Variants in DUSP29 observed in about 807,000 individuals in gnomAD.
The protein encoded by DUSP29 is atypical dual-specific protein phosphatase.
A neutral mutation model predicts 13.5 loss-of-function variants in DUSP29; 12 were observed. The ratio of observed to expected loss-of-function variants is 0.89; its 90% CI spans 0.57 to 1.44. The LOEUF (loss-of-function observed/expected upper bound fraction) is 1.44. Ranked by LOEUF, DUSP29 falls within the 40% of genes most tolerant of loss-of-function variation. The pLI, the probability that DUSP29 is intolerant of heterozygous loss-of-function variation, is 0.00. For missense variants in DUSP29, 308 were observed against 301.1 expected, an observed-to-expected ratio of 1.02 and a Z score of -0.17; for synonymous variants, 134 against 128.7, an observed-to-expected ratio of 1.04 and a Z score of -0.28.
At chr10:75,070,107 AAGGAAGGAAGGAAGGAAG>A (rs1847297412) in intron 1 of DUSP29, among the ~76,000 whole-genome samples, 1 of 141,192 alleles carries the variant, frequency 7.1e-6, no homozygotes, top group African/African-American at 2.8e-5. Context: ...GGAAGGAAGG[AAGGAAGGAAGGAAGGAAG>A]GAAGGAAGGA....
At chr10:75,054,399 C>T (rs1484915945) in intron 2 of DUSP29, among the ~76,000 whole-genome samples, 1 of 152,088 alleles carries the variant, frequency 6.6e-6, no homozygotes, top group East Asian at 1.9e-4. Flanking sequence ...TAAATGAATG[C>T]TCTTCTGTTC....
chr10:75,051,945 G>A (rs1846841409), intron 2 of DUSP29, among the ~76,000 whole-genome samples: 1 of 152,210 alleles, frequency 6.6e-6, no homozygotes, highest in East Asian at 1.9e-4. Context: ...ACAGAAATCA[G>A]GGACAAGCAC....
intron 3 of DUSP29, among the ~76,000 whole-genome samples, chr10:75,039,457 A>G (rs1184129530): frequency 6.6e-6 from 1 of 152,154 alleles, no homozygotes; most frequent in Non-Finnish European, 1.5e-5. Flanking sequence ...TAGAGGTTGC[A>G]GTGAGCTGAG....
At chr10:75,064,668 A>AT (rs1389287682) in intron 1 of DUSP29, among the ~76,000 whole-genome samples, 1 of 152,102 alleles carries the variant, frequency 6.6e-6, no homozygotes, top group Non-Finnish European at 1.5e-5. Flanking sequence ...TTATTTCAGA[A>AT]TTTTCTATTG....
intron 1 of DUSP29, among the ~76,000 whole-genome samples, chr10:75,059,451 T>C (rs1023214781): frequency 1.3e-5 from 2 of 152,254 alleles, no homozygotes; most frequent in African/African-American, 2.4e-5. Flanking sequence ...AGGTGAATGC[T>C]ATTTGTTTAT....
At chr10:75,038,515 C>T (rs918519456) in intron 3 of DUSP29, among the ~76,000 whole-genome samples, 15 of 152,134 alleles carry the variant, frequency 9.9e-5, no homozygotes, top group African/African-American at 3.6e-4. Context: ...TCCCACGGAC[C>T]TTTCTGGAGG....
In DUSP29 at chr10:75,037,979, T is replaced by C. The variant is rs1323908222; in HGVS notation, c.520A>G (p.Ile174Val). ...IHKDMTLVDAIQQVAKNRCVL... is the reference protein window; with the variant it reads ...IHKDMTLVDAVQQVAKNRCVL... ...CAGCGGTTCTTGGCCACTTGCTGGA[T>C]GGCGTCCACCAGGGTCATGTCCTTG... Residue 174 changes from isoleucine (I) to valine (V), a missense_variant, in exon 4 of 4, where the codon ATC becomes GTC. By Grantham distance (29) the Ile-to-Val change is conservative. Transcript: ENST00000338487. The C allele has an allele frequency of 2.5e-6, 4 of 1,613,816 alleles. No homozygotes were observed. In the Admixed American group the frequency reaches 5.0e-5, roughly 20 times the overall value.
chr10:75,059,127 C>T (rs1170925965), intron 1 of DUSP29, among the ~76,000 whole-genome samples: 3 of 152,188 alleles, frequency 2.0e-5, no homozygotes, highest in African/African-American at 7.2e-5. Flanking sequence ...GTTAACCTGT[C>T]AGAAGAGCTG....
At chr10:75,049,093 G>A (rs1324198426) in intron 2 of DUSP29, among the ~76,000 whole-genome samples, 1 of 152,234 alleles carries the variant, frequency 6.6e-6, no homozygotes, top group Non-Finnish European at 1.5e-5. Flanking sequence ...ATGACAAAAT[G>A]TGGTAATGGG....
chr10:75,067,362 G>A (rs138059050), intron 1 of DUSP29, among the ~76,000 whole-genome samples: 1 of 152,170 alleles, frequency 6.6e-6, no homozygotes, highest in Non-Finnish European at 1.5e-5. Flanking sequence ...CCTCGGAGTA[G>A]GGGGGATCTT....
intron 1 of DUSP29, among the ~76,000 whole-genome samples, chr10:75,063,173 G>C (rs1050232834): frequency 6.6e-6 from 1 of 152,214 alleles, no homozygotes; most frequent in Non-Finnish European, 1.5e-5. Flanking sequence ...GGGGGCAGCA[G>C]CTTGCTGTCC....
chr10:75,068,875 T>C (rs1402580648), intron 1 of DUSP29, among the ~76,000 whole-genome samples: 1 of 152,230 alleles, frequency 6.6e-6, no homozygotes, highest in Non-Finnish European at 1.5e-5. Context: ...TGGATTTTTT[T>C]TAAAAAGAAA....
chr10:75,043,821 C>T lies in DUSP29; in HGVS notation c.397G>A (p.Asp133Asn). The change falls in exon 3 of 4, where the codon GAC becomes AAC. Residue 133 changes from aspartate (D) to asparagine (N), a missense_variant. By Grantham distance (23) the Asp-to-Asn change is conservative. Coordinates refer to ENST00000338487, the MANE Select transcript of DUSP29 (RefSeq NM_001003892.3). Reference protein sequence around the residue: ...VFFYPAAAFIDRALSDDHSKI... With the variant: ...VFFYPAAAFINRALSDDHSKI... ...CTGTGGTCGTCGCTTAGCGCTCTGTCGATGAAGGCTGCCGCCGGGTAGAAG... is the reference window on the plus strand; with the variant it reads ...CTGTGGTCGTCGCTTAGCGCTCTGTTGATGAAGGCTGCCGCCGGGTAGAAG... The T allele has an allele frequency of 6.2e-7, 1 of 1,613,592 alleles. No homozygotes were observed. Among genetic ancestry groups the T allele is most frequent in the Non-Finnish European group, 8.5e-7 (1 of 1,179,896 alleles).
At chr10:75,068,586 T>G (rs982827642) in intron 1 of DUSP29, among the ~76,000 whole-genome samples, 2 of 152,192 alleles carry the variant, frequency 1.3e-5, no homozygotes, top group African/African-American at 4.8e-5. Context: ...AAAGCTGGTC[T>G]GTGTTTAAGT....
intron 1 of DUSP29, among the ~76,000 whole-genome samples, chr10:75,067,804 ATATTT>A (rs567371656): frequency 1.3e-5 from 2 of 151,968 alleles, no homozygotes; most frequent in East Asian, 1.9e-4. Context: ...CTATAAGAAA[ATATTT>A]TATTTTATTT....
chr10:75,068,910 T>C (rs958524129), intron 1 of DUSP29, among the ~76,000 whole-genome samples: 3 of 152,266 alleles, frequency 2.0e-5, no homozygotes, highest in East Asian at 1.9e-4. Flanking sequence ...ACTCAGGAAT[T>C]TTTTGTGGCC....
At chr10:75,062,526 G>A (rs575954385) in intron 1 of DUSP29, among the ~76,000 whole-genome samples, 2 of 152,316 alleles carry the variant, frequency 1.3e-5, no homozygotes, top group South Asian at 4.1e-4. Context: ...GGTCTACCCC[G>A]AGGAGCTTGG....
chr10:75,038,335 G>C (rs1846511531), intron 3 of DUSP29, among the ~76,000 whole-genome samples: 1 of 152,324 alleles, frequency 6.6e-6, no homozygotes, highest in South Asian at 2.1e-4. Context: ...AGCTCCTACA[G>C]TGTGGCTGGG....
chr10:75,040,581 G>A (rs761776793), intron 3 of DUSP29, among the ~76,000 whole-genome samples: 5 of 152,116 alleles, frequency 3.3e-5, no homozygotes, highest in African/African-American at 1.2e-4. Flanking sequence ...GGCATGACTC[G>A]CCCTCCATGA....
Sources: gnomAD v4.1 joint callset for allele counts (sites outside exome capture counted in the v4.1 genomes callset) on GRCh38, gnomAD v4.1.1 for gene constraint, MANE v1.5 for transcripts, NCBI Gene and HGNC (gene_info 2026-07-23, HGNC 2026-07-21) for gene names.